Variants in CREB5 observed in about 807,000 individuals in gnomAD.
CREB5 encodes the protein cAMP responsive element binding protein 5, also known as cyclic AMP-responsive element-binding protein 5.
CREB5 carries 19 observed loss-of-function variants against 57.1 expected under a neutral mutation model. That is an observed-to-expected ratio of 0.33 (90% CI 0.23 to 0.49). The LOEUF (loss-of-function observed/expected upper bound fraction) is 0.49, where lower values mean the gene tolerates loss of function less well. Ranked by LOEUF, CREB5 falls within the 20% of genes least tolerant of loss-of-function variation. The pLI, the probability that CREB5 is intolerant of heterozygous loss-of-function variation, is 0.99. For synonymous variants in CREB5, 238 were observed against 238.3 expected, an observed-to-expected ratio of 1.00 and a Z score of 0.01; for missense variants, 579 against 671.6, an observed-to-expected ratio of 0.86 and a Z score of 1.52.
intron 5 of CREB5, among the ~76,000 whole-genome samples, chr7:28,699,845 T>C (rs1801756362): frequency 6.6e-6 from 1 of 152,086 alleles, no homozygotes; most frequent in Non-Finnish European, 1.5e-5. Context: ...CTCCAGTGCC[T>C]CCCTCCCACT....
intron 1 of CREB5, among the ~76,000 whole-genome samples, chr7:28,402,726 A>T (rs1562693308): frequency 6.6e-6 from 1 of 152,362 alleles, no homozygotes; most frequent in East Asian, 1.9e-4. Context: ...AAACCCTAGA[A>T]GAAAACCTAG....
intron 1 of CREB5, among the ~76,000 whole-genome samples, chr7:28,454,283 T>C (rs143098622): frequency 3.1e-3 from 473 of 152,262 alleles, no homozygotes; most frequent in African/African-American, 0.01. Flanking sequence ...AGTTTCCTCA[T>C]AACTTCTGTT....
At chr7:28,560,871 T>TGCGCGCGTGCGC (rs1233149536) in intron 4 of CREB5, among the ~76,000 whole-genome samples, 1 of 38,006 alleles carries the variant, frequency 2.6e-5, no homozygotes, top group South Asian at 1.6e-3. Context: ...TGTGCCTGCG[T>TGCGCGCGTGCGC]GCGCGTGCGT....
chr7:28,351,397 G>A (rs982374784), intron 1 of CREB5, among the ~76,000 whole-genome samples: 5 of 152,156 alleles, frequency 3.3e-5, no homozygotes, highest in East Asian at 1.9e-4. Flanking sequence ...GCTAGACTAC[G>A]TGAAGGAGGA....
intron 1 of CREB5, among the ~76,000 whole-genome samples, chr7:28,446,790 TCAAAA>T (rs144125710): frequency 0.025 from 3,846 of 152,082 alleles, 145 homozygotes; most frequent in African/African-American, 0.084. Flanking sequence ...AGACTCTGTC[TCAAAA>T]CAAAACAAAA....
intron 7 of CREB5, among the ~76,000 whole-genome samples, chr7:28,737,562 T>C (rs867088153): frequency 1.8e-5 from 2 of 110,152 alleles, no homozygotes; most frequent in African/African-American, 3.0e-5. Flanking sequence ...TATATATATA[T>C]ATATATATAT....
At chr7:28,711,781 A>G (rs990464864) in intron 5 of CREB5, among the ~76,000 whole-genome samples, 1 of 152,230 alleles carries the variant, frequency 6.6e-6, no homozygotes, top group African/African-American at 2.4e-5. Context: ...ATGGATTTTT[A>G]AAGAAATATC....
intron 4 of CREB5, among the ~76,000 whole-genome samples, chr7:28,569,819 C>A (rs1488753348): frequency 6.6e-6 from 1 of 152,190 alleles, no homozygotes; most frequent in Admixed American, 6.5e-5. Flanking sequence ...GTCATGTATT[C>A]CAATCACGCA....
intron 7 of CREB5, among the ~76,000 whole-genome samples, chr7:28,791,795 C>T (rs962141581): frequency 1.3e-5 from 2 of 152,140 alleles, no homozygotes; most frequent in African/African-American, 4.8e-5. Flanking sequence ...AACCAGAAAG[C>T]TTTCTATTTG....
intron 5 of CREB5, among the ~76,000 whole-genome samples, chr7:28,637,409 A>G (rs1254985712): frequency 6.6e-6 from 1 of 152,148 alleles, no homozygotes; most frequent in Non-Finnish European, 1.5e-5. Flanking sequence ...ATGCTCACAG[A>G]TTAGTGAGAA....
intron 1 of CREB5, among the ~76,000 whole-genome samples, chr7:28,419,273 A>G (rs1456927551): frequency 2.6e-5 from 4 of 152,154 alleles, no homozygotes; most frequent in African/African-American, 9.7e-5. Flanking sequence ...AGCAAGATAG[A>G]CTCTAGCCCT....
chr7:28,506,073 G>A (rs543444664), intron 3 of CREB5, among the ~76,000 whole-genome samples: 1 of 152,292 alleles, frequency 6.6e-6, no homozygotes, highest in South Asian at 2.1e-4. Flanking sequence ...AAAAAATGCA[G>A]ATGGGGATTT....
At chr7:28,409,044 C>G (rs1787657059), upstream of CREB5, among the ~76,000 whole-genome samples, 2 of 151,664 alleles carry the variant, frequency 1.3e-5, no homozygotes, top group African/African-American at 4.8e-5. The surrounding 1 kb of genome is among the most constrained non-coding windows in gnomAD (Gnocchi z 4.4). Context: ...GTGGTCTTGT[C>G]TGAAACCATA....
At chr7:28,511,353 T>G (rs377394) in intron 4 of CREB5, among the ~76,000 whole-genome samples, 77,522 of 151,698 alleles carry the variant, frequency 0.51, 20,022 homozygotes, top group Non-Finnish European at 0.54. Context: ...GTGCTCTGTG[T>G]GTTGGAGGAA....
intron 5 of CREB5, among the ~76,000 whole-genome samples, chr7:28,633,231 T>C (rs1269214591): frequency 6.6e-6 from 1 of 152,186 alleles, no homozygotes; most frequent in African/African-American, 2.4e-5. Context: ...CTATATAATA[T>C]GTGCTTTTAT....
At chr7:28,378,140 C>T (rs774356102) in intron 1 of CREB5, among the ~76,000 whole-genome samples, 28 of 152,050 alleles carry the variant, frequency 1.8e-4, no homozygotes, top group Non-Finnish European at 3.8e-4. Flanking sequence ...TCCAGGTTTC[C>T]ATGATCCACC....
chr7:28,346,407 G>A (rs534313348), intron 1 of CREB5, among the ~76,000 whole-genome samples: 1 of 152,262 alleles, frequency 6.6e-6, no homozygotes, highest in East Asian at 1.9e-4. Context: ...CTTTTACAAT[G>A]GCATTAATCC....
At chr7:28,620,455 G>T (rs1009100476) in intron 5 of CREB5, among the ~76,000 whole-genome samples, 2 of 152,104 alleles carry the variant, frequency 1.3e-5, no homozygotes, top group Non-Finnish European at 2.9e-5. Flanking sequence ...ACCCTCTAAG[G>T]CTGTGTCTCA....
intron 1 of CREB5, among the ~76,000 whole-genome samples, chr7:28,313,592 T>G (rs1785321658): frequency 6.6e-6 from 1 of 152,164 alleles, no homozygotes; most frequent in Non-Finnish European, 1.5e-5. Context: ...GTATTTTGAG[T>G]GCCCAGTGTG....
Sources: allele counts gnomAD v4.1 joint callset (sites outside exome capture counted in the v4.1 genomes callset), GRCh38; gene constraint gnomAD v4.1.1; non-coding constraint Gnocchi (gnomAD v3.1); transcripts MANE v1.5; gene names NCBI Gene and HGNC (gene_info 2026-07-23, HGNC 2026-07-21).